FRMD5: variants seen among roughly 807,000 people sequenced by gnomAD.
FRMD5 encodes FERM domain containing 5.
FRMD5 carries 20 observed loss-of-function variants against 69.0 expected under a neutral mutation model. The observed-to-expected ratio is 0.29, with a 90% CI of 0.20 to 0.42. FRMD5 has a LOEUF of 0.42. Among genes scored for constraint, FRMD5 ranks in the 10% least tolerant of loss-of-function variants. The probability of loss-of-function intolerance (pLI) is 1.00; values close to 1 mark genes in which losing one functional copy is unlikely to be tolerated. For synonymous variants in FRMD5, 271 were observed against 260.1 expected (o/e 1.04, Z -0.40); for missense variants, 595 against 708.6 (o/e 0.84, Z 1.82).
chr15:44,123,073 A>G (rs2059628), intron 1 of FRMD5, among the ~76,000 whole-genome samples: 125,880 of 152,022 alleles, frequency 0.83, 54,781 homozygotes, highest in Non-Finnish European at 0.95. Context: ...GGCCTGGCAC[A>G]GTGGCTCACG....
At chr15:43,953,681 T>C (rs1307322721) in intron 1 of FRMD5, among the ~76,000 whole-genome samples, 2 of 152,216 alleles carry the variant, frequency 1.3e-5, no homozygotes, top group African/African-American at 4.8e-5. Flanking sequence ...ACACCTTAGC[T>C]ATAATTTACA....
chr15:44,029,280 T>TA (rs1891573051), intron 1 of FRMD5, among the ~76,000 whole-genome samples: 1 of 151,426 alleles, frequency 6.6e-6, no homozygotes, highest in South Asian at 2.1e-4. Context: ...GTTCACTGTT[T>TA]AAAGCCCTTC....
At chr15:44,116,590 TA>T (rs2140622324) in intron 1 of FRMD5, among the ~76,000 whole-genome samples, 1 of 152,162 alleles carries the variant, frequency 6.6e-6, no homozygotes, top group African/African-American at 2.4e-5. Flanking sequence ...GCTAAAGGGT[TA>T]AACAAGGAAC....
intron 4 of FRMD5, among the ~76,000 whole-genome samples, chr15:43,911,810 GAGGA>G (rs2089293125): frequency 6.6e-6 from 1 of 152,190 alleles, no homozygotes; most frequent in Non-Finnish European, 1.5e-5. Context: ...GAATGAAACA[GAGGA>G]TTCCTTGTCC....
At position 43,888,853 on chromosome 15, in the gene FRMD5, T is replaced by C; in HGVS notation, c.748A>G (p.Lys250Glu). 6.2e-7 allele frequency: 1 copy of C among 1,614,070 alleles called. No homozygotes were observed. Among genetic ancestry groups the C allele is most frequent in the South Asian group, 1.1e-5 (1 of 91,068 alleles). ...FIKWNEVTKL[K>E]FEGKTFYLYV... ...AAATAGAAAGTCTTTCCTTCAAATT[T>C]CAGCTTGGTCACCTCATTCCTAGAA... The change falls in exon 9 of 14, where the codon AAA (lysine) becomes GAA (glutamate). Residue 250 changes from lysine to glutamate, a missense_variant. Physicochemically the swap from Lys to Glu is moderately conservative, Grantham distance 56. Around this residue, in one of 5 missense-constraint regions of FRMD5, gnomAD observed 176 missense variants for 266.3 expected, o/e 0.66. Coordinates refer to ENST00000417257, the MANE Select transcript of FRMD5 (RefSeq NM_032892.5).
chr15:43,936,716 T>G (rs2089767888), intron 1 of FRMD5, among the ~76,000 whole-genome samples: 1 of 150,632 alleles, frequency 6.6e-6, no homozygotes, highest in Non-Finnish European at 1.5e-5. Flanking sequence ...GGGTTCTGCC[T>G]TTTATCTAGT....
chr15:44,043,002 A>G, intron 1 of FRMD5, among the ~76,000 whole-genome samples: 1 of 152,224 alleles, frequency 6.6e-6, no homozygotes. Flanking sequence ...CTATTTGCAG[A>G]TGACATGATT....
At chr15:44,106,276 A>AAAAT (rs1260023449) in intron 1 of FRMD5, among the ~76,000 whole-genome samples, 4 of 152,274 alleles carry the variant, frequency 2.6e-5, no homozygotes, top group South Asian at 2.1e-4. Context: ...TATGTGCTCA[A>AAAAT]AAATAAATAA....
chr15:43,899,482 G>A (rs2088993558), intron 7 of FRMD5, among the ~76,000 whole-genome samples: 1 of 152,154 alleles, frequency 6.6e-6, no homozygotes, highest in South Asian at 2.1e-4. Context: ...CTCTACCGCT[G>A]AGGGCTTGTG....
At chr15:44,070,935 G>A (rs778773061) in intron 1 of FRMD5, among the ~76,000 whole-genome samples, 1 of 152,088 alleles carries the variant, frequency 6.6e-6, no homozygotes, top group Admixed American at 6.6e-5. Context: ...TGCCAAAAAA[G>A]GTCTGGCCCC....
chr15:44,132,560 T>A (rs953320557), intron 1 of FRMD5, among the ~76,000 whole-genome samples: 15 of 152,042 alleles, frequency 9.9e-5, no homozygotes, highest in African/African-American at 3.6e-4. Flanking sequence ...TCCCAAGTAG[T>A]TGGGACTACA....
At chr15:43,901,975 T>C in intron 7 of FRMD5, 200 bp downstream of exon 7, 1 of 557,226 alleles carries the variant, frequency 1.8e-6, no homozygotes, top group Non-Finnish European at 3.2e-6. Flanking sequence ...TCGGTTCCTC[T>C]GACATTGATG....
At chr15:44,162,991 A>G (rs1308122326) in intron 1 of FRMD5, among the ~76,000 whole-genome samples, 3 of 151,408 alleles carry the variant, frequency 2.0e-5, no homozygotes, top group South Asian at 2.1e-4. Context: ...TGGCTAACAC[A>G]GTGAAACCCC....
In FRMD5 at chr15:44,113,716, C is replaced by A. The variant is rs1401242530; in HGVS notation, c.102+81237G>T. On this transcript the variant is annotated intron_variant, in intron 1 of 13. Coordinates refer to ENST00000417257, the MANE Select transcript of FRMD5 (RefSeq NM_032892.5). ...CGCTTCCCCTCCTCCCCACTTCTAC[C>A]TTTCCCAGCCTCTAGTAATCATCTT... Among the ~76,000 whole-genome samples, 3 of 152,266 alleles carry A rather than the reference C, an allele frequency of 2.0e-5. No individual in the cohort carries two copies. In the East Asian group the frequency reaches 5.8e-4, roughly 29 times the overall value.
intron 1 of FRMD5, among the ~76,000 whole-genome samples, chr15:43,937,695 G>C (rs1239743132): frequency 6.6e-6 from 1 of 151,686 alleles, no homozygotes; most frequent in Non-Finnish European, 1.5e-5. Flanking sequence ...ATGGAAAAGA[G>C]GGGGAGAAAG....
upstream of FRMD5, among the ~76,000 whole-genome samples, chr15:44,198,994 C>T (rs979144969): frequency 6.6e-6 from 1 of 152,192 alleles, no homozygotes. Context: ...AGGGGAGGTA[C>T]TATCCCCCAC....
chr15:44,119,547 G>A (rs1359564268), intron 1 of FRMD5, among the ~76,000 whole-genome samples: 1 of 151,984 alleles, frequency 6.6e-6, no homozygotes, highest in African/African-American at 2.4e-5. Flanking sequence ...AAATATCCCT[G>A]GGAGGGATAT....
At chr15:43,898,191 C>A (rs1443106069) in intron 7 of FRMD5, among the ~76,000 whole-genome samples, 2 of 152,122 alleles carry the variant, frequency 1.3e-5, no homozygotes, top group Non-Finnish European at 2.9e-5. Context: ...AGAGGGAAGA[C>A]CATGAATAAT....
At chr15:43,879,437 G>T (rs1290797334) in intron 13 of FRMD5, 1 of 398,698 alleles carries the variant, frequency 2.5e-6, no homozygotes, top group Non-Finnish European at 4.4e-6. Flanking sequence ...GGATAGATGG[G>T]ATGGGTGCCG....
Sources: gnomAD v4.1 joint callset for allele counts (sites outside exome capture counted in the v4.1 genomes callset) on GRCh38, gnomAD v4.1.1 for gene constraint, gnomAD v4.1.1 regional missense constraint, MANE v1.5 for transcripts, NCBI Gene and HGNC (gene_info 2026-07-23, HGNC 2026-07-21) for gene names.